SLC37A1: variants seen among roughly 807,000 people sequenced by gnomAD.
The protein encoded by SLC37A1 is glucose-6-phosphate exchanger SLC37A1.
A neutral mutation model predicts 75.3 loss-of-function variants in SLC37A1; 49 were observed. That is an observed-to-expected ratio of 0.65 (90% CI 0.52 to 0.83). SLC37A1 has a LOEUF of 0.83. Among genes scored for constraint, SLC37A1 ranks in the 40% least tolerant of loss-of-function variants. The probability of loss-of-function intolerance (pLI) is 0.00; values close to 1 mark genes in which losing one functional copy is unlikely to be tolerated. For missense variants in SLC37A1, 566 were observed against 695.0 expected (o/e 0.81, Z 2.09); for synonymous variants, 268 against 292.1 (o/e 0.92, Z 0.84).
intron 15 of SLC37A1, among the ~76,000 whole-genome samples, chr21:42,566,112 G>T (rs1433601842): frequency 6.6e-6 from 1 of 152,232 alleles, no homozygotes; most frequent in Non-Finnish European, 1.5e-5. Flanking sequence ...AAGTGTGCAA[G>T]CCTGGTCTGG....
intron 3 of SLC37A1, among the ~76,000 whole-genome samples, chr21:42,529,116 A>G (rs2054875011): frequency 6.6e-6 from 1 of 152,268 alleles, no homozygotes; most frequent in Non-Finnish European, 1.5e-5. Context: ...TTTTAATACC[A>G]TAATCAAATT....
At chr21:42,534,863 AG>A in intron 4 of SLC37A1, 33 bp downstream of exon 4, 1 of 1,603,554 alleles carries the variant, frequency 6.2e-7, no homozygotes, top group Non-Finnish European at 8.5e-7. Flanking sequence ...CAGGAGCCGA[AG>A]CGGCTGTCCT....
Position 42,581,054 on chromosome 21 carries a change from A to G in SLC37A1, c.*694A>G, listed in dbSNP as rs398717. On this transcript the variant is annotated 3_prime_UTR_variant, in exon 20 of 20. Transcript: ENST00000352133. ...AGGCTTGCCAGCCACAGAGCGCCCC[A>G]AAGTCACCGTCATCCCAGCCCCTGG... 0.71 allele frequency: 108,324 copies of G among 152,694 alleles called. 39,203 individuals carry two copies. The highest frequency in any genetic ancestry group is 0.78 in the Admixed American group (12,005 of 15,312). 9.5% of individuals were successfully genotyped at this position (152,694 alleles called of 1,614,324 possible). A position where few individuals can be genotyped will look rare whatever the true frequency, so the allele number is the denominator to read the frequency against.
chr21:42,532,328 G>A (rs567363464), intron 3 of SLC37A1, among the ~76,000 whole-genome samples: 3 of 152,180 alleles, frequency 2.0e-5, no homozygotes, highest in African/African-American at 4.8e-5. Flanking sequence ...TGTTTTAAGC[G>A]GCGGCCTGCA....
intron 2 of SLC37A1, among the ~76,000 whole-genome samples, chr21:42,520,986 A>G (rs1339203666): frequency 6.6e-6 from 1 of 152,204 alleles, no homozygotes; most frequent in African/African-American, 2.4e-5. Flanking sequence ...TACTGATATA[A>G]CTAAAGAAGT....
chr21:42,518,767 C>T lies in SLC37A1; in HGVS notation c.56+257C>T, dbSNP rs182163902. Among the ~76,000 whole-genome samples the T allele has an allele frequency of 3.7e-3, 564 of 152,298 alleles. 5 individuals carry two copies. Among genetic ancestry groups the T allele is most frequent in the African/African-American group, 0.013 (528 of 41,544 alleles). On this transcript the variant is annotated intron_variant, in intron 2 of 19. Coordinates refer to ENST00000352133, the MANE Select transcript of SLC37A1 (RefSeq NM_001320537.2). ...GGTCTCCAGTGGTTTCTCTAAGAAC[C>T]ATGGTCCCTACAGAAAAATGACCAC...
rs2054563498 is a variant in SLC37A1 at position 42,518,387 on chromosome 21, A to G, written c.-68A>G. On this transcript the variant is annotated 5_prime_UTR_variant, in exon 2 of 20. Transcript: ENST00000352133. ...GGCAACAGAGAGAGGATCTGGAGCC[A>G]GGATTAATGACTCATTTATGAAGCA... 1 of 1,595,658 alleles carries G rather than the reference A, an allele frequency of 6.3e-7. No individual in the cohort carries two copies.
chr21:42,574,944 A>C (rs1569047907), intron 18 of SLC37A1, 29 bp downstream of exon 18: 1 of 1,612,322 alleles, frequency 6.2e-7, no homozygotes, highest in Admixed American at 1.7e-5. Flanking sequence ...AGTCCAATCC[A>C]CCTTGAATGC....
At chr21:42,542,199 A>G (rs1266253643) in intron 6 of SLC37A1, among the ~76,000 whole-genome samples, 1 of 152,162 alleles carries the variant, frequency 6.6e-6, no homozygotes, top group Non-Finnish European at 1.5e-5. Context: ...CATTGCTTTT[A>G]TTTTGAAAAA....
intron 1 of SLC37A1, among the ~76,000 whole-genome samples, chr21:42,500,548 C>A (rs1266130518): frequency 2.0e-5 from 3 of 152,180 alleles, no homozygotes; most frequent in African/African-American, 7.2e-5. Flanking sequence ...TGCTGTTAAT[C>A]TTACAATAGG....
chr21:42,566,760 G>C (rs981114801), intron 15 of SLC37A1, among the ~76,000 whole-genome samples: 1 of 152,236 alleles, frequency 6.6e-6, no homozygotes. Flanking sequence ...GGTCCGGCCT[G>C]TGATCGCTCC....
Position 42,535,695 on chromosome 21 carries a change from C to T in SLC37A1, c.350+145C>T, listed in dbSNP as rs186827182. 278 of 700,706 alleles carry T rather than the reference C, an allele frequency of 4.0e-4. No homozygotes were observed. The African/African-American group carries it at 4.3e-3, about 11-fold the overall frequency. 43.4% of individuals were successfully genotyped at this position (700,706 alleles called of 1,614,324 possible). ...TTCCCTGCTGTTCCCTTCCCAAAGA[C>T]GAGGCCAAGCTTAGGAGAGAGCAAG... is the stretch of plus-strand genomic sequence containing the variant. On this transcript the variant is annotated intron_variant, in intron 5 of 19. Transcript: ENST00000352133.
chr21:42,517,604 C>T (rs2054546289), intron 1 of SLC37A1, among the ~76,000 whole-genome samples: 1 of 152,176 alleles, frequency 6.6e-6, no homozygotes, highest in Admixed American at 6.5e-5. Flanking sequence ...GGATGGGAGA[C>T]CAGGCCTGCC....
At chr21:42,580,284 G>A in intron 19 of SLC37A1, 61 bp from the exon 20 acceptor site, 2 of 1,585,474 alleles carry the variant, frequency 1.3e-6, no homozygotes, top group Admixed American at 1.8e-5. Flanking sequence ...GTGAAGTTCA[G>A]CATCTCTTGC....
intron 18 of SLC37A1, among the ~76,000 whole-genome samples, chr21:42,578,415 T>C (rs762238018): frequency 6.6e-6 from 1 of 152,232 alleles, no homozygotes; most frequent in Non-Finnish European, 1.5e-5. Context: ...CACTTGCTAC[T>C]ATATTCTTCA....
At chr21:42,580,222 C>T (rs965895274) in intron 19 of SLC37A1, 123 bp from the exon 20 acceptor site, 45 of 1,100,882 alleles carry the variant, frequency 4.1e-5, no homozygotes, top group Non-Finnish European at 6.0e-5. Context: ...GGAGAGGAAT[C>T]CCTGCTGGGC....
At chr21:42,505,508 G>A (rs2054376095) in intron 2 of SLC37A1, among the ~76,000 whole-genome samples, 1 of 152,120 alleles carries the variant, frequency 6.6e-6, no homozygotes, top group Non-Finnish European at 1.5e-5. Context: ...GTGTCTCCCA[G>A]GTGGGTAGCC....
chr21:42,570,512 G>A (rs909621834), intron 17 of SLC37A1, among the ~76,000 whole-genome samples: 13 of 152,280 alleles, frequency 8.5e-5, no homozygotes, highest in African/African-American at 2.9e-4. Context: ...GTAGGAAGTC[G>A]GGGGACTGCG....
chr21:42,576,107 T>G, intron 18 of SLC37A1: 1 of 329,946 alleles, frequency 3.0e-6, no homozygotes, highest in South Asian at 1.2e-4. Flanking sequence ...AATCAACGGG[T>G]TGGGGTGGTT....
Sources: allele counts gnomAD v4.1 joint callset (sites outside exome capture counted in the v4.1 genomes callset), GRCh38; gene constraint gnomAD v4.1.1; transcripts MANE v1.5; gene names NCBI Gene and HGNC (gene_info 2026-07-23, HGNC 2026-07-21).